Variants in KLHL3 observed in about 807,000 individuals in gnomAD.
KLHL3 encodes kelch like family member 3, also known as kelch-like protein 3.
Under a neutral mutation model 70.5 loss-of-function variants are expected in KLHL3, and 19 were observed. The observed-to-expected ratio is 0.27, with a 90% CI of 0.19 to 0.40. The LOEUF is 0.40. Among genes scored for constraint, KLHL3 ranks in the 10% least tolerant of loss-of-function variants. The probability of loss-of-function intolerance (pLI) is 1.00; values close to 1 mark genes in which losing one functional copy is unlikely to be tolerated. For synonymous variants in KLHL3, 258 were observed against 290.3 expected (o/e 0.89, Z 1.13); for missense variants, 512 against 771.1 (o/e 0.66, Z 3.98).
At chr5:137,626,678 G>A (rs1044389283) in intron 13 of KLHL3, among the ~76,000 whole-genome samples, 23 of 152,168 alleles carry the variant, frequency 1.5e-4, no homozygotes, top group Admixed American at 1.2e-3. Flanking sequence ...CCTGGATGGC[G>A]TCTAAAATAC....
Position 137,617,690 on chromosome 5 carries a change from A to G in KLHL3, c.*4408T>C, listed in dbSNP as rs935034044. On this transcript the variant is annotated 3_prime_UTR_variant, in exon 15 of 15. Transcript: ENST00000309755. ...GAACACCAGATCGAGGATCTTACCTATGCAATATGTTGTACGGGGTGTCAG... is the reference window on the plus strand; with the variant it reads ...GAACACCAGATCGAGGATCTTACCTGTGCAATATGTTGTACGGGGTGTCAG... The G allele has an allele frequency of 6.6e-6, 1 of 152,232 alleles. No individual in the cohort carries two copies. The highest frequency in any genetic ancestry group is 6.5e-5 in the Admixed American group (1 of 15,290). The allele number at this position is 152,232 out of a possible 1,614,324, so 9.4% of individuals were successfully genotyped here.
chr5:137,693,287 A>G (rs1038234178), intron 4 of KLHL3, among the ~76,000 whole-genome samples: 3 of 152,228 alleles, frequency 2.0e-5, no homozygotes, highest in African/African-American at 7.2e-5. Context: ...ACATTCTTAG[A>G]GAAAGGAGAG....
chr5:137,636,780 C>T (rs1324998356), intron 11 of KLHL3, among the ~76,000 whole-genome samples: 1 of 152,166 alleles, frequency 6.6e-6, no homozygotes, highest in Non-Finnish European at 1.5e-5. Context: ...TCCTACCTTA[C>T]CCTACACAGC....
intron 6 of KLHL3, among the ~76,000 whole-genome samples, chr5:137,672,264 C>T (rs767118601): frequency 7.9e-5 from 12 of 152,172 alleles, no homozygotes; most frequent in African/African-American, 1.4e-4. Flanking sequence ...CCCAGCCCAC[C>T]GGCCAAGGCT....
At chr5:137,663,067 T>A (rs1201582015) in intron 6 of KLHL3, among the ~76,000 whole-genome samples, 1 of 146,434 alleles carries the variant, frequency 6.8e-6, no homozygotes, top group Non-Finnish European at 1.5e-5. Flanking sequence ...TTTTTTTTTT[T>A]TTTTTTTTTT....
At chr5:137,623,698 T>G (rs1488722014) in intron 14 of KLHL3, among the ~76,000 whole-genome samples, 1 of 152,240 alleles carries the variant, frequency 6.6e-6, no homozygotes, top group East Asian at 1.9e-4. Flanking sequence ...AATCATTTAC[T>G]GCATGGTGTC....
chr5:137,658,410 A>T, intron 7 of KLHL3, 130 bp from the exon 8 acceptor site: 3 of 885,698 alleles, frequency 3.4e-6, no homozygotes, highest in Non-Finnish European at 5.5e-6. Flanking sequence ...TCAGACCCAA[A>T]GAGTTACAAC....
At chr5:137,732,457 C>T (rs1181920822) in intron 1 of KLHL3, among the ~76,000 whole-genome samples, 1 of 150,384 alleles carries the variant, frequency 6.6e-6, no homozygotes. Flanking sequence ...CAACTAGATG[C>T]CACAGGTTGT....
At chr5:137,684,809 G>C (rs996258502) in intron 5 of KLHL3, among the ~76,000 whole-genome samples, 1 of 152,256 alleles carries the variant, frequency 6.6e-6, no homozygotes, top group Non-Finnish European at 1.5e-5. Context: ...TGCCCAGGAA[G>C]ACTGTGATGC....
chr5:137,640,945 T>C (rs1260978219), intron 8 of KLHL3, among the ~76,000 whole-genome samples: 1 of 152,228 alleles, frequency 6.6e-6, no homozygotes, highest in Non-Finnish European at 1.5e-5. Context: ...TACATGTGTC[T>C]TCTGGATAGC....
At chr5:137,662,294 CCTG>C (rs1751502581) in intron 6 of KLHL3, among the ~76,000 whole-genome samples, 1 of 150,408 alleles carries the variant, frequency 6.6e-6, no homozygotes, top group Non-Finnish European at 1.5e-5. Context: ...CAAGGACAAA[CCTG>C]CTATCCCAAA....
intron 8 of KLHL3, among the ~76,000 whole-genome samples, chr5:137,643,774 T>C (rs1750975799): frequency 6.6e-6 from 1 of 152,172 alleles, no homozygotes; most frequent in African/African-American, 2.4e-5. Context: ...TTTTGAAATA[T>C]ACAATACATT....
rs1018545036 is a variant in KLHL3 at position 137,664,439 on chromosome 5, G to A, written c.637-2408C>T. Among the ~76,000 whole-genome samples, 97 of 152,018 alleles carry A rather than the reference G, an allele frequency of 6.4e-4. 3 individuals carry two copies. The highest frequency in any genetic ancestry group is 1.0e-4 in the Non-Finnish European group (7 of 68,002). The stretch of plus-strand genomic sequence containing the variant: ...CTCTTATATCCAAAAAAAAATGCCT[G>A]TAAAAGGAATGACGGAATTAGAAAA... On this transcript the variant is annotated intron_variant, in intron 6 of 14. Transcript: ENST00000309755.
chr5:137,709,898 G>A (rs759470052), intron 2 of KLHL3, 42 bp from the exon 3 acceptor site: 1 of 1,467,884 alleles, frequency 6.8e-7, no homozygotes, highest in Non-Finnish European at 9.5e-7. Flanking sequence ...TTGCAGCAAG[G>A]ACACCTACCC....
At chr5:137,642,050 A>G (rs1750925237) in intron 8 of KLHL3, among the ~76,000 whole-genome samples, 2 of 152,366 alleles carry the variant, frequency 1.3e-5, no homozygotes, top group South Asian at 4.1e-4. Flanking sequence ...TAATGAACAC[A>G]GCCCCTTGGC....
chr5:137,719,538 C>CA (rs567463265), intron 2 of KLHL3, among the ~76,000 whole-genome samples: 1 of 152,204 alleles, frequency 6.6e-6, no homozygotes, highest in South Asian at 2.1e-4. Flanking sequence ...AGGCTTTGTA[C>CA]AAAAAAACAT....
chr5:137,691,383 T>C (rs1246802499), intron 5 of KLHL3, among the ~76,000 whole-genome samples: 1 of 152,236 alleles, frequency 6.6e-6, no homozygotes. Context: ...CTCAATCTTA[T>C]TCTTCTGGAG....
At chr5:137,643,546 G>A (rs1750970999) in intron 8 of KLHL3, among the ~76,000 whole-genome samples, 1 of 152,076 alleles carries the variant, frequency 6.6e-6, no homozygotes, top group East Asian at 1.9e-4. Context: ...GGAAGAGCAG[G>A]TATACATCTG....
intron 4 of KLHL3, among the ~76,000 whole-genome samples, chr5:137,693,243 T>A (rs950747054): frequency 2.0e-5 from 3 of 152,092 alleles, no homozygotes; most frequent in African/African-American, 7.2e-5. Context: ...TATTCTCCCA[T>A]CAAACAGATA....
Sources: gnomAD v4.1 joint callset for allele counts (sites outside exome capture counted in the v4.1 genomes callset) on GRCh38, gnomAD v4.1.1 for gene constraint, MANE v1.5 for transcripts, NCBI Gene and HGNC (gene_info 2026-07-23, HGNC 2026-07-21) for gene names.